The following MAN1A2 variants were observed in gnomAD, a reference collection of about 807,000 sequenced individuals.
MAN1A2 encodes mannosidase alpha class 1A member 2, also known as mannosyl-oligosaccharide 1,2-alpha-mannosidase IB.
A neutral mutation model predicts 75.7 loss-of-function variants in MAN1A2; 26 were observed. The ratio of observed to expected loss-of-function variants is 0.34; its 90% CI spans 0.25 to 0.48. MAN1A2 has a LOEUF of 0.48. Among genes scored for constraint, MAN1A2 ranks in the 20% least tolerant of loss-of-function variants. The pLI, the probability that MAN1A2 is intolerant of heterozygous loss-of-function variation, is 0.99. For synonymous variants in MAN1A2, 247 were observed against 264.6 expected (o/e 0.93, Z 0.65); for missense variants, 562 against 775.5 (o/e 0.72, Z 3.27).
intron 8 of MAN1A2, among the ~76,000 whole-genome samples, chr1:117,472,352 G>T (rs1356329638): frequency 6.6e-6 from 1 of 151,884 alleles, no homozygotes; most frequent in Non-Finnish European, 1.5e-5. Context: ...CCCATTAAAA[G>T]ATTAATATCA....
At chr1:117,508,664 T>C (rs765108316) in intron 12 of MAN1A2, among the ~76,000 whole-genome samples, 9 of 151,666 alleles carry the variant, frequency 5.9e-5, no homozygotes, top group Non-Finnish European at 1.0e-4. Flanking sequence ...AGCTGAATGG[T>C]TAAGTAAATT....
intron 7 of MAN1A2, 100 bp downstream of exon 7, chr1:117,460,712 T>C (rs917639345): frequency 4.4e-6 from 6 of 1,372,514 alleles, no homozygotes; most frequent in African/African-American, 2.9e-5. Flanking sequence ...TTTCTAGATA[T>C]ATGTTTATTA....
intron 4 of MAN1A2, 104 bp from the exon 5 acceptor site, chr1:117,420,464 AT>A: frequency 1.3e-6 from 1 of 776,876 alleles, no homozygotes. Context: ...AAGTAGAAAA[AT>A]ATTTTCCACA....
rs558657860 is a variant in MAN1A2, at chr1:117,421,454, A to C, written c.855+805A>C. Among the ~76,000 whole-genome samples the C allele has an allele frequency of 5.3e-5, 8 of 150,942 alleles. No individual in the cohort carries two copies. In the South Asian group the frequency reaches 1.0e-3, roughly 20 times the overall value. ...ATTTAAAGGATTTTTTTTTCCCCCC[A>C]GTGTTTTGGCTTCTAGATTTTGGTC... On this transcript the variant is annotated intron_variant, in intron 5 of 12. Coordinates refer to ENST00000356554, the MANE Select transcript of MAN1A2 (RefSeq NM_006699.5).
intron 6 of MAN1A2, among the ~76,000 whole-genome samples, chr1:117,460,009 C>T (rs903591515): frequency 6.6e-6 from 1 of 150,720 alleles, no homozygotes; most frequent in Non-Finnish European, 1.5e-5. Flanking sequence ...TCATGTGCCT[C>T]TAGGGTGGGG....
chr1:117,490,830 A>G (rs1198794794), intron 8 of MAN1A2, among the ~76,000 whole-genome samples: 3 of 152,124 alleles, frequency 2.0e-5, no homozygotes, highest in African/African-American at 7.2e-5. Flanking sequence ...CAAAATAGCC[A>G]TATTGCAGGC....
At chr1:117,406,694 TAATGA>T (rs771223600) in intron 3 of MAN1A2, among the ~76,000 whole-genome samples, 5 of 152,138 alleles carry the variant, frequency 3.3e-5, no homozygotes, top group Non-Finnish European at 7.4e-5. Context: ...AGCCATTATG[TAATGA>T]AATAAAGTAT....
intron 8 of MAN1A2, among the ~76,000 whole-genome samples, chr1:117,467,481 T>C (rs1275232604): frequency 6.6e-6 from 1 of 152,160 alleles, no homozygotes; most frequent in African/African-American, 2.4e-5. Flanking sequence ...AATATAATTA[T>C]GTCTTTCATG....
chr1:117,439,506 T>A (rs978348679), intron 5 of MAN1A2, among the ~76,000 whole-genome samples: 2 of 152,042 alleles, frequency 1.3e-5, no homozygotes, highest in Admixed American at 6.6e-5. Flanking sequence ...TACTTTTTTT[T>A]TTTTGGAGAC....
chr1:117,394,086 CT>C (rs200109590), intron 1 of MAN1A2, among the ~76,000 whole-genome samples: 236 of 143,206 alleles, frequency 1.6e-3, no homozygotes, highest in Admixed American at 1.7e-3. Flanking sequence ...AGTGGGTTTC[CT>C]TTTTTTTTTT....
intron 6 of MAN1A2, among the ~76,000 whole-genome samples, chr1:117,446,695 G>A (rs989611817): frequency 6.0e-5 from 9 of 151,256 alleles, no homozygotes; most frequent in African/African-American, 4.9e-5. Flanking sequence ...TTATAGCTCC[G>A]CATATGGTCT....
intron 5 of MAN1A2, among the ~76,000 whole-genome samples, chr1:117,431,324 CAG>C (rs1193732993): frequency 1.3e-5 from 2 of 150,652 alleles, no homozygotes; most frequent in African/African-American, 2.4e-5. Context: ...CATCAAATAA[CAG>C]AGCTTTGAAA....
At chr1:117,402,844 A>G (rs908258010) in intron 2 of MAN1A2, among the ~76,000 whole-genome samples, 4 of 152,098 alleles carry the variant, frequency 2.6e-5, no homozygotes, top group African/African-American at 9.7e-5. Context: ...AGCTAGCATT[A>G]TATCTCCAAT....
chr1:117,462,404 A>G (rs1649851192), intron 7 of MAN1A2, among the ~76,000 whole-genome samples: 1 of 152,170 alleles, frequency 6.6e-6, no homozygotes, highest in African/African-American at 2.4e-5. Context: ...GCTGAACAGT[A>G]TATTGGTTAG....
intron 3 of MAN1A2, among the ~76,000 whole-genome samples, chr1:117,408,745 G>A (rs566605313): frequency 6.7e-6 from 1 of 149,520 alleles, no homozygotes; most frequent in African/African-American, 2.5e-5. Flanking sequence ...TTTGGTATAT[G>A]TTGCTGAAGA....
rs1031642636 is a variant in MAN1A2, at chr1:117,526,384, A to G, written c.*3427A>G. Reference sequence around the variant, plus strand: ...CAAAATTCTTAATTTTATATTTCATATAAATTAAAGAGGAAAAAGAAAAGG... The same window carrying G: ...CAAAATTCTTAATTTTATATTTCATGTAAATTAAAGAGGAAAAAGAAAAGG... On this transcript the variant is annotated 3_prime_UTR_variant, in exon 13 of 13. Transcript: ENST00000356554. 8.6e-5 allele frequency: 13 copies of G among 151,832 alleles called. No individual in the cohort carries two copies. The highest frequency in any genetic ancestry group is 3.1e-4 in the African/African-American group (13 of 41,422). The allele number at this position is 151,832 out of a possible 1,614,324, so 9.4% of individuals were successfully genotyped here.
chr1:117,392,561 T>C (rs1328170627), intron 1 of MAN1A2, among the ~76,000 whole-genome samples: 1 of 152,224 alleles, frequency 6.6e-6, no homozygotes, highest in Non-Finnish European at 1.5e-5. Context: ...GGGCAAATCA[T>C]GTGCCTTATT....
At chr1:117,462,188 T>TGG (rs1649844071) in intron 7 of MAN1A2, among the ~76,000 whole-genome samples, 1 of 152,050 alleles carries the variant, frequency 6.6e-6, no homozygotes, top group Non-Finnish European at 1.5e-5. Flanking sequence ...ATTTTTACAA[T>TGG]GGGAAACAAA....
At position 117,526,858 on chromosome 1, in the gene MAN1A2, CTCTCTCTCTCTCTCTCTCTCTCTATA is replaced by C. The variant is rs1259535041; in HGVS notation, c.*3903_*3928del. ...TATCTTTTCCTCTCTCTCTCTCTCTCTCTCTCTCTCTCTCTCTCTCTCTATATATATATATATATATATATATATAT... is the reference window on the plus strand; with the variant it reads ...TATCTTTTCCTCTCTCTCTCTCTCTCTATATATATATATATATATATATAT... On this transcript the variant is annotated 3_prime_UTR_variant, in exon 13 of 13. Coordinates refer to ENST00000356554, the MANE Select transcript of MAN1A2 (RefSeq NM_006699.5). 2.2e-5 allele frequency: 2 copies of C among 90,808 alleles called. No homozygotes were observed. Among genetic ancestry groups the C allele is most frequent in the Non-Finnish European group, 4.5e-5 (2 of 44,538 alleles). The allele number at this position is 90,808 out of a possible 1,614,324, so 5.6% of individuals were successfully genotyped here. A position where few individuals can be genotyped will look rare whatever the true frequency, so the allele number is the denominator to read the frequency against.
Sources: gnomAD v4.1 joint callset for allele counts (sites outside exome capture counted in the v4.1 genomes callset) on GRCh38, gnomAD v4.1.1 for gene constraint, MANE v1.5 for transcripts, NCBI Gene and HGNC (gene_info 2026-07-23, HGNC 2026-07-21) for gene names.